IQCB1: variants seen among roughly 807,000 people sequenced by gnomAD.
IQCB1 encodes IQ calmodulin-binding motif-containing protein 1.
IQCB1 carries 56 observed loss-of-function variants against 84.4 expected under a neutral mutation model. The observed-to-expected ratio is 0.66, with a 90% CI of 0.54 to 0.83. IQCB1 has a LOEUF of 0.83. IQCB1 is among the 40% of genes least tolerant of loss of function. The probability of loss-of-function intolerance (pLI) is 0.00; values close to 1 mark genes in which losing one functional copy is unlikely to be tolerated. For synonymous variants in IQCB1, 210 were observed against 234.8 expected (o/e 0.89, Z 0.96); for missense variants, 629 against 682.1 (o/e 0.92, Z 0.87).
At chr3:121,772,826 T>C (rs1948057654) in intron 13 of IQCB1, 113 bp from the exon 14 acceptor site, 3 of 924,992 alleles carry the variant, frequency 3.2e-6, no homozygotes, top group South Asian at 2.6e-5. Context: ...ATCAATTGAA[T>C]CTTATGATTG....
At chr3:121,805,889 T>C (rs1186368563) in intron 7 of IQCB1, among the ~76,000 whole-genome samples, 1 of 152,132 alleles carries the variant, frequency 6.6e-6, no homozygotes, top group African/African-American at 2.4e-5. Flanking sequence ...TTGTGAACTC[T>C]AGTTATCTTG....
At chr3:121,810,435 G>C (rs1213711159) in intron 5 of IQCB1, among the ~76,000 whole-genome samples, 1 of 151,502 alleles carries the variant, frequency 6.6e-6, no homozygotes. Context: ...ATTAATTCTT[G>C]GATAACATTA....
At chr3:121,825,904 T>G (rs747847893) in intron 5 of IQCB1, 147 bp downstream of exon 5, 151 of 788,380 alleles carry the variant, frequency 1.9e-4, no homozygotes, top group Middle Eastern at 1.8e-3. Context: ...AACATAGAGA[T>G]GATTTTTGGA....
Position 121,799,190 on chromosome 3 carries a change from T to C in IQCB1, c.766+6A>G. The stretch of plus-strand genomic sequence containing the variant: ...ATCCCAAGAAAAGAAAGAATGAATG[T>C]ACTACCTTTGTAGCAGGTACTTTGT... On this transcript the variant is annotated splice_donor_region_variant and intron_variant, in intron 8 of 14. Coordinates refer to ENST00000310864, the MANE Select transcript of IQCB1 (RefSeq NM_001023570.4). 1 of 1,598,026 alleles carries C rather than the reference T, an allele frequency of 6.3e-7. No homozygotes were observed. Among genetic ancestry groups the C allele is most frequent in the East Asian group, 2.2e-5 (1 of 44,648 alleles).
At chr3:121,811,086 C>A (rs989602831) in intron 5 of IQCB1, among the ~76,000 whole-genome samples, 1 of 152,130 alleles carries the variant, frequency 6.6e-6, no homozygotes, top group Non-Finnish European at 1.5e-5. Flanking sequence ...CTGAGGTACC[C>A]AGTTCATCTC....
At chr3:121,803,572 A>C (rs924193983) in intron 7 of IQCB1, among the ~76,000 whole-genome samples, 1 of 152,198 alleles carries the variant, frequency 6.6e-6, no homozygotes, top group African/African-American at 2.4e-5. Context: ...GTATATTAAC[A>C]TCTTTTGCTT....
chr3:121,811,800 C>G (rs1180235826), intron 5 of IQCB1, among the ~76,000 whole-genome samples: 1 of 152,214 alleles, frequency 6.6e-6, no homozygotes, highest in Non-Finnish European at 1.5e-5. Flanking sequence ...ACTCCCATCT[C>G]CCTGGGACAG....
In IQCB1 at chr3:121,834,974, C is replaced by T. The variant is rs968170655; in HGVS notation, c.-110G>A. On this transcript the variant is annotated 5_prime_UTR_variant, in exon 1 of 15. Coordinates refer to ENST00000310864, the MANE Select transcript of IQCB1 (RefSeq NM_001023570.4). The stretch of plus-strand genomic sequence containing the variant: ...CACCTCAGATAAGTTACCTCATCCT[C>T]GCTTCGCGTTCTTCCACTAAAGAAC... The T allele has an allele frequency of 1.0e-4, 46 of 458,906 alleles. No individual in the cohort carries two copies. Among genetic ancestry groups the T allele is most frequent in the South Asian group, 2.8e-4 (11 of 38,928 alleles). The allele number at this position is 458,906 out of a possible 1,614,324, so 28.4% of individuals were successfully genotyped here.
intron 13 of IQCB1, 111 bp downstream of exon 13, chr3:121,781,632 T>TACACACACACAC: frequency 1.2e-6 from 1 of 819,788 alleles, no homozygotes; most frequent in Non-Finnish European, 2.0e-6. Context: ...GCAATAAATG[T>TACACACACACAC]ACACACACAC....
chr3:121,817,573 T>G (rs1012749047), intron 5 of IQCB1, among the ~76,000 whole-genome samples: 2 of 152,146 alleles, frequency 1.3e-5, no homozygotes, highest in Non-Finnish European at 2.9e-5. Context: ...ATACATCTAT[T>G]TTAGGTTTTC....
rs562087612 is a variant in IQCB1, at chr3:121,809,957, AC to A, written c.394-949del. Among the ~76,000 whole-genome samples, 25 of 148,778 alleles carry A rather than the reference AC, an allele frequency of 1.7e-4. No homozygotes were observed. The South Asian group carries it at 3.2e-3, about 19-fold the overall frequency. ...GAATATAACAATGGAAAAAAAAAAA[AC>A]CCATAAGAAACGTCACATTAGAGCA... On this transcript the variant is annotated intron_variant, in intron 5 of 14. Coordinates refer to ENST00000310864, the MANE Select transcript of IQCB1 (RefSeq NM_001023570.4).
At chr3:121,810,801 G>T (rs936751917) in intron 5 of IQCB1, among the ~76,000 whole-genome samples, 4 of 152,134 alleles carry the variant, frequency 2.6e-5, no homozygotes, top group African/African-American at 7.2e-5. Context: ...GCCAGCAAAA[G>T]AAATCAAATC....
chr3:121,802,362 G>C (rs186309305), intron 7 of IQCB1, among the ~76,000 whole-genome samples: 2 of 152,094 alleles, frequency 1.3e-5, no homozygotes, highest in Admixed American at 1.3e-4. Context: ...GTAAATTTTG[G>C]TAGTTTGCGT....
chr3:121,799,206 G>T lies in IQCB1; in HGVS notation c.756C>A (p.Thr252=). The change falls in exon 8 of 15, where the codon ACC becomes ACA. Residue 252 remains threonine, a synonymous_variant. Transcript: ENST00000310864. ...GAATGAATGTACTACCTTTGTAGCA[G>T]GTACTTTGTCTCAGTAAAATCAAAA... ...QEILILLRQS[T]CYKGLRRLLS... is the part of the protein sequence containing the mutation. 2 of 1,607,254 alleles carry T rather than the reference G, an allele frequency of 1.2e-6. No individual in the cohort carries two copies. Among genetic ancestry groups the T allele is most frequent in the African/African-American group, 1.3e-5 (1 of 74,784 alleles).
At chr3:121,822,176 C>T (rs1950297484) in intron 5 of IQCB1, among the ~76,000 whole-genome samples, 1 of 152,200 alleles carries the variant, frequency 6.6e-6, no homozygotes, top group Non-Finnish European at 1.5e-5. Context: ...ATACCATCAG[C>T]TCTCCTGGGT....
intron 5 of IQCB1, among the ~76,000 whole-genome samples, chr3:121,822,329 C>G (rs2108628382): frequency 6.6e-6 from 1 of 152,252 alleles, no homozygotes; most frequent in Middle Eastern, 3.4e-3. Context: ...GACTAATATG[C>G]CTGGCTTTTC....
chr3:121,822,848 A>C (rs762958325), intron 5 of IQCB1, among the ~76,000 whole-genome samples: 3 of 152,204 alleles, frequency 2.0e-5, no homozygotes, highest in Non-Finnish European at 4.4e-5. Context: ...TCTTCAGAGG[A>C]AGATACGAAT....
chr3:121,777,232 ATC>A (rs1404448486), intron 13 of IQCB1, among the ~76,000 whole-genome samples: 13 of 152,320 alleles, frequency 8.5e-5, no homozygotes, highest in Non-Finnish European at 1.6e-4. Flanking sequence ...TTAACTGTAT[ATC>A]TCTGTCAATA....
chr3:121,812,473 C>T (rs936947787), intron 5 of IQCB1, among the ~76,000 whole-genome samples: 3 of 152,126 alleles, frequency 2.0e-5, no homozygotes, highest in Admixed American at 6.6e-5. Context: ...ACAAACTCCT[C>T]TGAGCTGAAG....
Sources: gnomAD v4.1 joint callset for allele counts (sites outside exome capture counted in the v4.1 genomes callset) on GRCh38, gnomAD v4.1.1 for gene constraint, MANE v1.5 for transcripts, NCBI Gene and HGNC (gene_info 2026-07-23, HGNC 2026-07-21) for gene names.